ESR1: variants seen among roughly 807,000 people sequenced by gnomAD.
ESR1 encodes estrogen receptor 1, also known as estrogen receptor.
A neutral mutation model predicts 52.7 loss-of-function variants in ESR1; 12 were observed. The ratio of observed to expected loss-of-function variants is 0.23; its 90% confidence interval spans 0.15 to 0.37. The LOEUF is 0.37. Ranked by LOEUF, ESR1 falls within the 10% of genes least tolerant of loss-of-function variation. The pLI, the probability that ESR1 is intolerant of heterozygous loss-of-function variation, is 1.00. For synonymous variants in ESR1, 305 were observed against 316.8 expected (o/e 0.96, Z 0.39); for missense variants, 584 against 779.7 (o/e 0.75, Z 2.99).
intron 1 of ESR1, among the ~76,000 whole-genome samples, chr6:151,681,418 G>A (rs1778454099): frequency 6.6e-6 from 1 of 151,842 alleles, no homozygotes; most frequent in Non-Finnish European, 1.5e-5. Context: ...CGGTGCTGAG[G>A]GGTGGGGGAG....
At chr6:151,916,547 C>T (rs369819973) in intron 3 of ESR1, among the ~76,000 whole-genome samples, 4 of 152,154 alleles carry the variant, frequency 2.6e-5, no homozygotes, top group South Asian at 4.1e-4. Context: ...AGAATTGCTT[C>T]TGGCAGATTA....
At chr6:151,674,334 A>G (rs908983788) in intron 1 of ESR1, among the ~76,000 whole-genome samples, 3 of 152,098 alleles carry the variant, frequency 2.0e-5, no homozygotes, top group Non-Finnish European at 4.4e-5. Flanking sequence ...TTCCAGCTTC[A>G]TTCATGTCCC....
In ESR1 at chr6:151,808,297, C is replaced by T. The variant is rs900517097; in HGVS notation, c.385C>T (p.Pro129Ser). ...PFLQPHGQQV[P>S]YYLENEPSGY... ...CCTGCAGCCCCACGGCCAGCAGGTGCCCTACTACCTGGAGAACGAGCCCAG... is the reference window on the plus strand; with the variant it reads ...CCTGCAGCCCCACGGCCAGCAGGTGTCCTACTACCTGGAGAACGAGCCCAG... The change falls in exon 1 of 8, where the codon CCC (proline) becomes TCC (serine). Residue 129 changes from proline (P) to serine (S), a missense_variant. Around this residue, in one of 6 missense-constraint regions of ESR1, gnomAD observed 251 missense variants for 246.1 expected, o/e 1.02. Transcript: ENST00000206249. 5 of 1,578,208 alleles carry T rather than the reference C, an allele frequency of 3.2e-6. No individual in the cohort carries two copies. Among genetic ancestry groups the T allele is most frequent in the Non-Finnish European group, 4.3e-6 (5 of 1,164,144 alleles).
chr6:151,926,449 A>G (rs2032754919), intron 3 of ESR1, among the ~76,000 whole-genome samples: 1 of 152,154 alleles, frequency 6.6e-6, no homozygotes, highest in African/African-American at 2.4e-5. Flanking sequence ...ACATTTTATC[A>G]ATATTGAATA....
chr6:151,850,028 T>TG, intron 2 of ESR1, among the ~76,000 whole-genome samples: 1 of 112,830 alleles, frequency 8.9e-6, no homozygotes, highest in South Asian at 2.7e-4. Context: ...ATATACAAAA[T>TG]TATATATATA....
chr6:151,785,847 A>G (rs1263530227), intron 2 of ESR1, among the ~76,000 whole-genome samples: 23 of 152,358 alleles, frequency 1.5e-4, no homozygotes, highest in East Asian at 5.8e-4. Context: ...TGATTCAAGT[A>G]CAGGCACTTT....
chr6:152,103,335 A>AT (rs2051016083), downstream of ESR1: 1 of 172,750 alleles, frequency 5.8e-6, no homozygotes, highest in African/African-American at 2.4e-5. Context: ...CTGATCCTCT[A>AT]AAATCAAAGT....
At chr6:151,941,827 C>T (rs1262858795) in intron 3 of ESR1, among the ~76,000 whole-genome samples, 1 of 152,190 alleles carries the variant, frequency 6.6e-6, no homozygotes, top group African/African-American at 2.4e-5. Flanking sequence ...AGTTTCCACA[C>T]CCTGCTTCTA....
rs1233743353 is a variant in ESR1, at chr6:152,026,627, T to C, written c.1235+14833T>C. ...TATTTTATATTTATTATATATTAAA[T>C]TGTCTTCTTTATTTACTATTTATTG... On this transcript the variant is annotated intron_variant, in intron 5 of 7. Coordinates refer to ENST00000206249, the MANE Select transcript of ESR1 (RefSeq NM_000125.4). 2.0e-5 allele frequency among the ~76,000 whole-genome samples: 3 copies of C among 151,792 alleles called. No homozygotes were observed. The East Asian group carries it at 5.8e-4, about 29-fold the overall frequency.
intron 2 of ESR1, among the ~76,000 whole-genome samples, chr6:151,858,974 G>C (rs545265775): frequency 7.6e-4 from 115 of 152,228 alleles, no homozygotes; most frequent in African/African-American, 2.5e-3. Context: ...GTTATTAAAA[G>C]GCTATGGGTA....
At chr6:152,042,175 T>G (rs2045861217) in intron 5 of ESR1, among the ~76,000 whole-genome samples, 2 of 152,144 alleles carry the variant, frequency 1.3e-5, no homozygotes, top group South Asian at 4.1e-4. Flanking sequence ...CATTTGGCCT[T>G]TCCCACCATA....
intron 4 of ESR1, among the ~76,000 whole-genome samples, chr6:151,962,572 A>G (rs1157072354): frequency 6.6e-6 from 1 of 152,228 alleles, no homozygotes; most frequent in Non-Finnish European, 1.5e-5. Context: ...CTTACAAACC[A>G]CAACCACAAC....
chr6:151,916,264 C>G (rs1381599770), intron 3 of ESR1, among the ~76,000 whole-genome samples: 1 of 152,146 alleles, frequency 6.6e-6, no homozygotes, highest in Non-Finnish European at 1.5e-5. Flanking sequence ...CGTGGAATTT[C>G]TATAGAGGAG....
intron 3 of ESR1, among the ~76,000 whole-genome samples, chr6:151,931,649 G>T (rs1488363206): frequency 7.3e-6 from 1 of 136,096 alleles, no homozygotes; most frequent in Non-Finnish European, 1.5e-5. Context: ...TCCCCTTCCT[G>T]TGTCCATGTG....
chr6:151,858,409 G>C (rs1788266925), intron 2 of ESR1, among the ~76,000 whole-genome samples: 1 of 152,066 alleles, frequency 6.6e-6, no homozygotes, highest in South Asian at 2.1e-4. Flanking sequence ...GTTGTGATCT[G>C]TCACTGATTG....
In ESR1 at chr6:151,710,741, G is replaced by C. The variant is rs533800377; in HGVS notation, c.-71+8736G>C. Among the ~76,000 whole-genome samples, 10 of 151,532 alleles carry C rather than the reference G, an allele frequency of 6.6e-5. No individual in the cohort carries two copies. In the South Asian group the frequency reaches 1.9e-3, roughly 28 times the overall value. On this transcript the variant is annotated intron_variant, in intron 2 of 2. Coordinates refer to the ESR1 transcript ENST00000404742. ...TCCCCTAGCCCCCCACCCTCTGACA[G>C]GCCCCAGTGTGTGATGTTCCCCTCC...
chr6:151,917,640 T>A (rs1405326071), intron 3 of ESR1, among the ~76,000 whole-genome samples: 1 of 152,172 alleles, frequency 6.6e-6, no homozygotes, highest in Non-Finnish European at 1.5e-5. Flanking sequence ...GTTAGCATGA[T>A]TTGACATGCA....
intron 6 of ESR1, among the ~76,000 whole-genome samples, chr6:152,117,206 C>T (rs1028364067): frequency 6.6e-6 from 1 of 152,204 alleles, no homozygotes; most frequent in Non-Finnish European, 1.5e-5. Context: ...GTGGACATGG[C>T]CTCCACTGGG....
chr6:151,930,856 C>A (rs567366541), intron 3 of ESR1, among the ~76,000 whole-genome samples: 2 of 152,146 alleles, frequency 1.3e-5, no homozygotes, highest in African/African-American at 4.8e-5. Flanking sequence ...ACTTCACTTT[C>A]TTTATTAATG....
Sources: gnomAD v4.1 joint callset for allele counts (sites outside exome capture counted in the v4.1 genomes callset) on GRCh38, gnomAD v4.1.1 for gene constraint, gnomAD v4.1.1 regional missense constraint, MANE v1.5 for transcripts, NCBI Gene and HGNC (gene_info 2026-07-23, HGNC 2026-07-21) for gene names.